The following CNTN4 variants were observed in gnomAD, a reference collection of about 807,000 sequenced individuals.
CNTN4 encodes contactin 4, also known as contactin-4.
In CNTN4, 77 loss-of-function variants were observed where a neutral mutation model predicts 122.5. The ratio of observed to expected loss-of-function variants is 0.63; its 90% CI spans 0.52 to 0.76. The LOEUF (loss-of-function observed/expected upper bound fraction) is 0.76, where lower values mean the gene tolerates loss of function less well. Among genes scored for constraint, CNTN4 ranks in the 30% least tolerant of loss-of-function variants. The pLI, the probability that CNTN4 is intolerant of heterozygous loss-of-function variation, is 0.00. For missense variants in CNTN4, 1,256 were observed against 1,259.1 expected, an observed-to-expected ratio of 1.00 and a Z score of 0.04; for synonymous variants, 512 against 447.0, an observed-to-expected ratio of 1.15 and a Z score of -1.83.
chr3:2,225,778 C>T (rs942015324), intron 2 of CNTN4, among the ~76,000 whole-genome samples: 3 of 152,184 alleles, frequency 2.0e-5, no homozygotes, highest in Non-Finnish European at 4.4e-5. Flanking sequence ...TAGCTCACAT[C>T]TGACCCCACT....
chr3:2,339,096 T>C (rs2044078826), intron 2 of CNTN4, 82 bp from the exon 3 acceptor site: 1 of 152,160 alleles, frequency 6.6e-6, no homozygotes, highest in Non-Finnish European at 1.5e-5. Context: ...CCGGGAAGAT[T>C]ACAGGTAAGC....
chr3:2,259,242 C>T (rs1286289940), intron 2 of CNTN4, among the ~76,000 whole-genome samples: 1 of 152,094 alleles, frequency 6.6e-6, no homozygotes, highest in African/African-American at 2.4e-5. Context: ...ATCTGCTAAC[C>T]AATCAACAAG....
intron 2 of CNTN4, among the ~76,000 whole-genome samples, chr3:2,284,003 T>C (rs538490704): frequency 6.6e-6 from 1 of 152,228 alleles, no homozygotes; most frequent in African/African-American, 2.4e-5. Context: ...CATCTCTTGC[T>C]ATTTGCCAAT....
chr3:2,583,935 C>G (rs1013823105), intron 4 of CNTN4, among the ~76,000 whole-genome samples: 2 of 152,150 alleles, frequency 1.3e-5, no homozygotes, highest in East Asian at 1.9e-4. Context: ...CATATTGTTA[C>G]AGTATCAGAA....
At chr3:2,464,424 C>G (rs1200113939) in intron 3 of CNTN4, among the ~76,000 whole-genome samples, 1 of 152,154 alleles carries the variant, frequency 6.6e-6, no homozygotes, top group African/African-American at 2.4e-5. Flanking sequence ...ATTGCCTCTC[C>G]CATCAGCCAG....
chr3:2,676,884 G>T (rs1272712228), intron 4 of CNTN4, among the ~76,000 whole-genome samples: 1 of 152,182 alleles, frequency 6.6e-6, no homozygotes, highest in African/African-American at 2.4e-5. Context: ...ACATTCTTAA[G>T]TAGTACTTGG....
At chr3:2,318,256 G>A (rs1436117170) in intron 2 of CNTN4, among the ~76,000 whole-genome samples, 2 of 150,334 alleles carry the variant, frequency 1.3e-5, no homozygotes, top group East Asian at 3.9e-4. Flanking sequence ...ATATTGATAT[G>A]TAATCATGTG....
chr3:3,042,733 G>A, intron 21 of CNTN4: 1 of 587,224 alleles, frequency 1.7e-6, no homozygotes, highest in Non-Finnish European at 3.0e-6. Context: ...TGGGAAAAAA[G>A]AAAATAATGA....
At position 2,290,394 on chromosome 3, in the gene CNTN4, G is replaced by C. The variant is rs113614355; in HGVS notation, c.-144-48784G>C. ...ATTGTGTTTTATGGAATTGACATTG[G>C]AACATTCATATCTTTACATTTATAC... On this transcript the variant is annotated intron_variant, in intron 2 of 24. Coordinates refer to ENST00000418658, the MANE Select transcript of CNTN4 (RefSeq NM_175607.3). Among the ~76,000 whole-genome samples the C allele has an allele frequency of 8.9e-3, 1,358 of 152,210 alleles. 26 individuals carry two copies. The highest frequency in any genetic ancestry group is 0.03 in the African/African-American group (1,259 of 41,532).
At chr3:2,596,438 A>G (rs1323425240) in intron 4 of CNTN4, among the ~76,000 whole-genome samples, 1 of 152,212 alleles carries the variant, frequency 6.6e-6, no homozygotes, top group Non-Finnish European at 1.5e-5. Context: ...GTTGACAATA[A>G]TCTGAAGCTT....
rs539349399 is a variant in CNTN4 at position 2,392,680 on chromosome 3, A to G, written c.-89+53447A>G. 4.6e-5 allele frequency among the ~76,000 whole-genome samples: 7 copies of G among 152,310 alleles called. No individual in the cohort carries two copies. The East Asian group carries it at 1.4e-3, about 29-fold the overall frequency. ...CTCTTTTAGCTATCTTGAAATATAC[A>G]ATGCATTATTATTAACTATCGTCAG... On this transcript the variant is annotated intron_variant, in intron 3 of 24. Coordinates refer to ENST00000418658, the MANE Select transcript of CNTN4 (RefSeq NM_175607.3).
chr3:2,101,450 CTT>C (rs1406454803), intron 2 of CNTN4, among the ~76,000 whole-genome samples: 2 of 152,154 alleles, frequency 1.3e-5, no homozygotes, highest in Non-Finnish European at 2.9e-5. Context: ...TTCAATCTCT[CTT>C]ATCTTAAAAA....
intron 3 of CNTN4, among the ~76,000 whole-genome samples, chr3:2,387,429 A>T (rs2150842086): frequency 6.6e-6 from 1 of 152,300 alleles, no homozygotes; most frequent in African/African-American, 2.4e-5. Flanking sequence ...TTTATTTTTT[A>T]TCAAAAGAAG....
rs562721273 is a variant in CNTN4 at position 2,778,208 on chromosome 3, C to T, written c.358+32511C>T. ...CAGCCTGGGCGACAGAGCGAGACTCCGTCTCAAATAAATAAATAAATAAAT... is the reference window on the plus strand; with the variant it reads ...CAGCCTGGGCGACAGAGCGAGACTCTGTCTCAAATAAATAAATAAATAAAT... On this transcript the variant is annotated intron_variant, in intron 6 of 24. Transcript: ENST00000418658. Among the ~76,000 whole-genome samples, 54 of 83,528 alleles carry T rather than the reference C, an allele frequency of 6.5e-4. 1 individual carries two copies. The highest frequency in any genetic ancestry group is 1.4e-3 in the Admixed American group (12 of 8,400). 54.8% of individuals were successfully genotyped at this position (83,528 alleles called of 152,430 possible). A position where few individuals can be genotyped will look rare whatever the true frequency, so the allele number is the denominator to read the frequency against.
At chr3:2,123,180 C>T (rs1408957174) in intron 2 of CNTN4, among the ~76,000 whole-genome samples, 2 of 152,136 alleles carry the variant, frequency 1.3e-5, no homozygotes, top group African/African-American at 4.8e-5. Flanking sequence ...TGCCTAGCAC[C>T]CTTGCATATG....
At chr3:2,834,864 C>T (rs1005232702) in intron 7 of CNTN4, among the ~76,000 whole-genome samples, 7 of 135,062 alleles carry the variant, frequency 5.2e-5, no homozygotes, top group African/African-American at 1.9e-4. Flanking sequence ...AAGCATTATT[C>T]AAATACAAAA....
intron 3 of CNTN4, among the ~76,000 whole-genome samples, chr3:2,407,870 A>G (rs558644691): frequency 1.2e-4 from 19 of 152,206 alleles, no homozygotes; most frequent in Admixed American, 3.3e-4. Context: ...AATATTCCCT[A>G]TGTGATGAGT....
At chr3:2,785,638 A>C (rs957679102) in intron 6 of CNTN4, among the ~76,000 whole-genome samples, 1 of 152,218 alleles carries the variant, frequency 6.6e-6, no homozygotes, top group African/African-American at 2.4e-5. Context: ...GATAGATGGG[A>C]ACTGGAAGGA....
chr3:3,013,485 T>C (rs781250239), intron 14 of CNTN4, among the ~76,000 whole-genome samples: 1 of 152,104 alleles, frequency 6.6e-6, no homozygotes, highest in African/African-American at 2.4e-5. Context: ...GGAGTCCTGC[T>C]TATTACTGGT....
Sources: gnomAD v4.1 joint callset for allele counts (sites outside exome capture counted in the v4.1 genomes callset) on GRCh38, gnomAD v4.1.1 for gene constraint, MANE v1.5 for transcripts, NCBI Gene and HGNC (gene_info 2026-07-23, HGNC 2026-07-21) for gene names.